The following CCDC73 variants were observed in gnomAD, a reference collection of about 807,000 sequenced individuals.
The protein encoded by CCDC73 is coiled-coil domain containing 73, also known as coiled-coil domain-containing protein 73.
A neutral mutation model predicts 116.5 loss-of-function variants in CCDC73; 95 were observed. The observed-to-expected ratio is 0.82, with a 90% CI of 0.69 to 0.97. CCDC73 has a LOEUF of 0.97. CCDC73 is among the 50% of genes least tolerant of loss of function. The pLI is 0.00. For synonymous variants in CCDC73, 398 were observed against 401.3 expected (o/e 0.99, Z 0.10); for missense variants, 1,066 against 1,206.8 (o/e 0.88, Z 1.73).
intron 2 of CCDC73, chr11:32,758,283 A>T (rs1850360419): frequency 6.4e-6 from 3 of 472,318 alleles, no homozygotes; most frequent in African/African-American, 2.0e-5. Flanking sequence ...CCAGCATTTG[A>T]CGTATCATCA....
intron 13 of CCDC73, among the ~76,000 whole-genome samples, chr11:32,640,761 T>C (rs1855724868): frequency 6.6e-6 from 1 of 152,212 alleles, no homozygotes; most frequent in South Asian, 2.1e-4. Flanking sequence ...CTCACGCCTG[T>C]AATCCCAGCA....
chr11:32,664,493 G>A (rs544440709), intron 9 of CCDC73, among the ~76,000 whole-genome samples: 68 of 152,222 alleles, frequency 4.5e-4, no homozygotes, highest in Non-Finnish European at 7.9e-4. Context: ...ATTCTCTGAT[G>A]GTAGTTTGTA....
At chr11:32,727,655 C>T (rs1323894593) in intron 2 of CCDC73, among the ~76,000 whole-genome samples, 1 of 152,188 alleles carries the variant, frequency 6.6e-6, no homozygotes, top group Non-Finnish European at 1.5e-5. Flanking sequence ...TCACTGCAAC[C>T]TCTGCCTCCT....
At chr11:32,830,522 G>C in the CCDC73 span, 1 of 1,538,718 alleles carries the variant, frequency 6.5e-7, no homozygotes, top group Non-Finnish European at 8.7e-7. Context: ...TTTGACAGTT[G>C]CCAGACTATG....
At chr11:32,712,122 A>G (rs898876149) in intron 3 of CCDC73, among the ~76,000 whole-genome samples, 7 of 152,124 alleles carry the variant, frequency 4.6e-5, no homozygotes, top group African/African-American at 1.7e-4. Context: ...TTTCTCCCCC[A>G]CACATTTCCA....
At chr11:32,760,059 A>T (rs767322642) in intron 2 of CCDC73, 50 bp downstream of exon 2, 2 of 1,492,342 alleles carry the variant, frequency 1.3e-6, no homozygotes. Flanking sequence ...AATAAACTGA[A>T]CAAAATCAAG....
intron 2 of CCDC73, among the ~76,000 whole-genome samples, chr11:32,742,870 A>G (rs1410326083): frequency 1.1e-4 from 17 of 152,192 alleles, no homozygotes; most frequent in Admixed American, 1.0e-3. Context: ...AGTTTTCTGC[A>G]TATGGCTAGC....
intron 2 of CCDC73, among the ~76,000 whole-genome samples, chr11:32,732,241 A>T (rs1850085621): frequency 6.6e-6 from 1 of 152,240 alleles, no homozygotes; most frequent in Non-Finnish European, 1.5e-5. Flanking sequence ...CGAAATGAGC[A>T]AAACCTCCAA....
intron 2 of CCDC73, among the ~76,000 whole-genome samples, chr11:32,750,706 C>T (rs753870231): frequency 6.6e-6 from 1 of 152,168 alleles, no homozygotes; most frequent in Non-Finnish European, 1.5e-5. Context: ...CCCTTCAGGA[C>T]AGTGGGCTCC....
At chr11:32,714,314 GT>G (rs1263517577) in intron 3 of CCDC73, among the ~76,000 whole-genome samples, 1 of 152,038 alleles carries the variant, frequency 6.6e-6, no homozygotes, top group African/African-American at 2.4e-5. Flanking sequence ...CTTGTTAAGA[GT>G]TTGCCCTATG....
chr11:32,716,250 T>C (rs575862039), intron 3 of CCDC73, among the ~76,000 whole-genome samples: 1 of 152,302 alleles, frequency 6.6e-6, no homozygotes, highest in East Asian at 1.9e-4. Flanking sequence ...TTTCTTCAGA[T>C]GGAATCCAGC....
intron 2 of CCDC73, among the ~76,000 whole-genome samples, chr11:32,732,319 A>C (rs1227593058): frequency 6.6e-6 from 1 of 152,216 alleles, no homozygotes; most frequent in Non-Finnish European, 1.5e-5. Flanking sequence ...GATGGGGAGA[A>C]TGGAACCAAG....
intron 9 of CCDC73, among the ~76,000 whole-genome samples, chr11:32,674,604 T>C (rs956912463): frequency 2.0e-5 from 3 of 152,208 alleles, no homozygotes; most frequent in African/African-American, 7.2e-5. Context: ...TTTCTTTATG[T>C]CATACCAATC....
In CCDC73 at chr11:32,675,805, G is replaced by T. The variant is rs1283557094; in HGVS notation, c.565+81C>A. On this transcript the variant is annotated intron_variant, in intron 8 of 17. Coordinates refer to ENST00000335185, the MANE Select transcript of CCDC73 (RefSeq NM_001008391.4). ...ATTTACTATTATCAGTATTATCATA[G>T]ATATTCAATGTATTCATAGTAAATA... 4 of 1,271,624 alleles carry T rather than the reference G, an allele frequency of 3.1e-6. No homozygotes were observed. In the East Asian group the frequency reaches 7.1e-5, roughly 23 times the overall value. 78.8% of individuals were successfully genotyped at this position (1,271,624 alleles called of 1,614,324 possible). A position where few individuals can be genotyped will look rare whatever the true frequency, so the allele number is the denominator to read the frequency against.
chr11:32,750,010 A>G (rs1196361495), intron 2 of CCDC73, among the ~76,000 whole-genome samples: 1 of 150,212 alleles, frequency 6.7e-6, no homozygotes, highest in East Asian at 2.0e-4. Context: ...AGCTGGGATT[A>G]CAGGCACCGA....
At chr11:32,692,523 G>C (rs943720445) in intron 6 of CCDC73, among the ~76,000 whole-genome samples, 1 of 152,040 alleles carries the variant, frequency 6.6e-6, no homozygotes, top group Non-Finnish European at 1.5e-5. Flanking sequence ...AATTAAGTAA[G>C]TTTAAATTTA....
chr11:32,815,236 C>G, the CCDC73 span, among the ~76,000 whole-genome samples: 1 of 152,046 alleles, frequency 6.6e-6, no homozygotes, highest in Non-Finnish European at 1.5e-5. Context: ...AAAAAGAAAG[C>G]AAGTACGTGC....
chr11:32,754,349 C>T (rs1384714441), intron 2 of CCDC73, among the ~76,000 whole-genome samples: 1 of 151,996 alleles, frequency 6.6e-6, no homozygotes, highest in African/African-American at 2.4e-5. Flanking sequence ...AAATGAATTA[C>T]ACAGAACTCA....
At chr11:32,651,279 C>T (rs894043425) in intron 12 of CCDC73, among the ~76,000 whole-genome samples, 4 of 152,194 alleles carry the variant, frequency 2.6e-5, no homozygotes, top group African/African-American at 9.7e-5. Flanking sequence ...TCCCTGCAGA[C>T]CCCCACCAAG....
Sources: gnomAD v4.1 joint callset for allele counts (sites outside exome capture counted in the v4.1 genomes callset) on GRCh38, gnomAD v4.1.1 for gene constraint, MANE v1.5 for transcripts, NCBI Gene and HGNC (gene_info 2026-07-23, HGNC 2026-07-21) for gene names.